EYS: variants seen among roughly 807,000 people sequenced by gnomAD.
EYS encodes the protein protein eyes shut homolog.
A neutral mutation model predicts 282.1 loss-of-function variants in EYS; 250 were observed. The observed-to-expected ratio is 0.89, with a 90% CI of 0.80 to 0.98. The LOEUF (loss-of-function observed/expected upper bound fraction) is 0.98, where lower values mean the gene tolerates loss of function less well. Among genes scored for constraint, EYS ranks in the 50% least tolerant of loss-of-function variants. EYS has a pLI of 0.00. For synonymous variants in EYS, 1,355 were observed against 1,282.9 expected, an observed-to-expected ratio of 1.06 and a Z score of -1.20; for missense variants, 4,016 against 3,709.0, an observed-to-expected ratio of 1.08 and a Z score of -2.15.
intron 8 of EYS, among the ~76,000 whole-genome samples, chr6:65,370,513 T>G (rs1562128726): frequency 6.6e-6 from 1 of 151,758 alleles, no homozygotes; most frequent in Non-Finnish European, 1.5e-5. Flanking sequence ...TCTCAGTCTC[T>G]TTGTTAGTTT....
At chr6:63,868,618 C>T (rs775762998) in intron 35 of EYS, among the ~76,000 whole-genome samples, 2 of 152,092 alleles carry the variant, frequency 1.3e-5, no homozygotes, top group Admixed American at 6.6e-5. Flanking sequence ...TTGCTACTGG[C>T]GGAAATAACC....
chr6:64,180,410 A>G (rs1018080324), intron 31 of EYS, among the ~76,000 whole-genome samples: 9 of 152,158 alleles, frequency 5.9e-5, no homozygotes, highest in Non-Finnish European at 1.2e-4. Flanking sequence ...TCAATAAATT[A>G]GGTTTAAACC....
chr6:64,803,610 C>T (rs1764329593), intron 22 of EYS, among the ~76,000 whole-genome samples: 1 of 152,182 alleles, frequency 6.6e-6, no homozygotes, highest in African/African-American at 2.4e-5. Flanking sequence ...ATCATGTTGT[C>T]CAAGGCGCTC....
chr6:65,643,461 A>C (rs1767348087), intron 1 of EYS, among the ~76,000 whole-genome samples: 2 of 152,186 alleles, frequency 1.3e-5, no homozygotes, highest in South Asian at 4.1e-4. Context: ...TGTAGTTGCC[A>C]AAGAAAAAGG....
intron 24 of EYS, among the ~76,000 whole-genome samples, chr6:64,603,978 C>A (rs535910880): frequency 6.6e-6 from 1 of 151,628 alleles, no homozygotes; most frequent in Non-Finnish European, 1.5e-5. Context: ...TTCTTTTCTT[C>A]CCTTATGACA....
intron 29 of EYS, among the ~76,000 whole-genome samples, chr6:64,366,744 TTAA>T (rs1297228454): frequency 2.0e-5 from 3 of 151,964 alleles, no homozygotes; most frequent in African/African-American, 7.2e-5. Context: ...ATTAGCAAAA[TTAA>T]TACCTGTGGC....
intron 29 of EYS, among the ~76,000 whole-genome samples, chr6:64,348,637 C>T (rs1771504757): frequency 6.6e-6 from 1 of 151,464 alleles, no homozygotes; most frequent in African/African-American, 2.4e-5. Flanking sequence ...TCTCTGATGC[C>T]TTGCAAATGT....
At chr6:65,196,832 G>A (rs780784997) in intron 12 of EYS, among the ~76,000 whole-genome samples, 7 of 152,026 alleles carry the variant, frequency 4.6e-5, no homozygotes, top group African/African-American at 1.4e-4. Context: ...TAATAATTGC[G>A]AACGTTTTCC....
chr6:63,946,972 T>A (rs1765417662), intron 35 of EYS, among the ~76,000 whole-genome samples: 1 of 151,790 alleles, frequency 6.6e-6, no homozygotes, highest in Non-Finnish European at 1.5e-5. Flanking sequence ...TATGTACCCA[T>A]AAAAATTAAA....
At chr6:64,520,176 G>T (rs1777687137) in intron 26 of EYS, among the ~76,000 whole-genome samples, 2 of 151,748 alleles carry the variant, frequency 1.3e-5, no homozygotes, top group Non-Finnish European at 1.5e-5. Flanking sequence ...TGTGGAGGTT[G>T]TCAGCTGGCT....
Position 64,590,331 on chromosome 6 carries a change from C to T in EYS, c.5536G>A (p.Val1846Met), listed in dbSNP as rs1380972852. The T allele has an allele frequency of 6.4e-7, 1 of 1,551,082 alleles. No individual in the cohort carries two copies. The highest frequency in any genetic ancestry group is 8.7e-7 in the Non-Finnish European group (1 of 1,146,668). The change falls in exon 26 of 43, where the codon GTG becomes ATG. Residue 1846 changes from valine (V) to methionine (M), a missense_variant. Val to Met is a conservative substitution (Grantham distance 21). Transcript: ENST00000503581. ...GCAGTGGGAAATTCCTGATATTGCACACTAGGCTGAAGTTCCCATTTGGAC... is the reference window on the plus strand; with the variant it reads ...GCAGTGGGAAATTCCTGATATTGCATACTAGGCTGAAGTTCCCATTTGGAC... ...EWSKWELQPSVQYQEFPTASR... is the reference protein window; with the variant it reads ...EWSKWELQPSMQYQEFPTASR...
intron 24 of EYS, among the ~76,000 whole-genome samples, chr6:64,613,662 T>C (rs1010488854): frequency 2.6e-5 from 4 of 151,944 alleles, no homozygotes; most frequent in Admixed American, 2.6e-4. Flanking sequence ...AAAAACAAAC[T>C]GTAATTGATG....
chr6:64,863,191 A>G (rs777482929), intron 19 of EYS, among the ~76,000 whole-genome samples: 7 of 152,006 alleles, frequency 4.6e-5, no homozygotes, highest in Non-Finnish European at 1.0e-4. Context: ...ATTCCCACAT[A>G]TTTTCTTCGC....
chr6:65,361,520 G>A (rs1259832376), intron 8 of EYS, among the ~76,000 whole-genome samples: 10 of 134,870 alleles, frequency 7.4e-5, no homozygotes, highest in Admixed American at 5.8e-4. Flanking sequence ...TCTCTCTATC[G>A]CCCAGGCTGG....
chr6:63,842,966 A>G (rs565891367), intron 36 of EYS, among the ~76,000 whole-genome samples: 310 of 152,248 alleles, frequency 2.0e-3, no homozygotes, highest in Middle Eastern at 6.8e-3. Context: ...ATTGGCCTAC[A>G]TATCTGTTTT....
At chr6:64,795,408 C>A (rs1774324900) in intron 22 of EYS, among the ~76,000 whole-genome samples, 1 of 152,016 alleles carries the variant, frequency 6.6e-6, no homozygotes, top group African/African-American at 2.4e-5. Flanking sequence ...AGAAGGAACA[C>A]CATTCTTGGT....
chr6:63,850,512 G>A (rs866605678), intron 36 of EYS, among the ~76,000 whole-genome samples: 29 of 152,248 alleles, frequency 1.9e-4, no homozygotes, highest in African/African-American at 6.5e-4. Flanking sequence ...AGAAGAAAGC[G>A]GGTGCCAATA....
rs892944507 is a variant in EYS, at chr6:64,140,129, G to A, written c.6425-58127C>T. Among the ~76,000 whole-genome samples the A allele has an allele frequency of 8.5e-5, 13 of 152,132 alleles. No homozygotes were observed. In the East Asian group the frequency reaches 2.3e-3, roughly 27 times the overall value. On this transcript the variant is annotated intron_variant, in intron 31 of 42. Coordinates refer to ENST00000503581, the MANE Select transcript of EYS (RefSeq NM_001142800.2). Reference sequence around the variant, plus strand: ...ATAGCAATGAGAATGAAAAGGGGTGGTAATTAATATGAAAAACAGAACATC... The same window carrying A: ...ATAGCAATGAGAATGAAAAGGGGTGATAATTAATATGAAAAACAGAACATC...
intron 22 of EYS, among the ~76,000 whole-genome samples, chr6:64,696,764 G>T (rs1770595689): frequency 6.6e-6 from 1 of 152,062 alleles, no homozygotes; most frequent in Admixed American, 6.6e-5. Context: ...AAAAAAAGAA[G>T]AAATAATGTG....
Sources: gnomAD v4.1 joint callset for allele counts (sites outside exome capture counted in the v4.1 genomes callset) on GRCh38, gnomAD v4.1.1 for gene constraint, MANE v1.5 for transcripts, NCBI Gene and HGNC (gene_info 2026-07-23, HGNC 2026-07-21) for gene names.